KIF13A: variants seen among roughly 807,000 people sequenced by gnomAD.
KIF13A encodes kinesin-like protein KIF13A.
A neutral mutation model predicts 212.2 loss-of-function variants in KIF13A; 79 were observed. That is an observed-to-expected ratio of 0.37 (90% CI 0.31 to 0.45). The LOEUF (loss-of-function observed/expected upper bound fraction) is 0.45, where lower values mean the gene tolerates loss of function less well. Among genes scored for constraint, KIF13A ranks in the 20% least tolerant of loss-of-function variants. KIF13A has a pLI of 1.00. For synonymous variants in KIF13A, 789 were observed against 808.6 expected, an observed-to-expected ratio of 0.98 and a Z score of 0.41; for missense variants, 1,901 against 2,209.0, an observed-to-expected ratio of 0.86 and a Z score of 2.79.
intron 29 of KIF13A, among the ~76,000 whole-genome samples, chr6:17,781,677 G>A (rs1760598160): frequency 7.6e-6 from 1 of 131,378 alleles, no homozygotes; most frequent in South Asian, 2.5e-4. Flanking sequence ...GCTGATGCTT[G>A]AGTGCACGGC....
chr6:17,764,450 A>G lies in KIF13A; in HGVS notation c.5078T>C (p.Leu1693Pro), dbSNP rs1273167863. The G allele has an allele frequency of 9.9e-6, 16 of 1,613,878 alleles. No individual in the cohort carries two copies. Among genetic ancestry groups the G allele is most frequent in the Non-Finnish European group, 1.4e-5 (16 of 1,179,902 alleles). Reference protein sequence around the residue: ...QSIPEKNSKSLCRTGSCSELD... With the variant: ...QSIPEKNSKSPCRTGSCSELD... ...TTCTGAACATGAGCCAGTCCTGCACAGTGATTTGGAGTTTTTCTCAGGGAT... is the reference window on the plus strand; with the variant it reads ...TTCTGAACATGAGCCAGTCCTGCACGGTGATTTGGAGTTTTTCTCAGGGAT... Residue 1693 changes from leucine (L) to proline (P), a missense_variant, in exon 39 of 39, where the codon CTG (leucine) becomes CCG (proline). Physicochemically the swap from Leu to Pro is moderately conservative, Grantham distance 98. Transcript: ENST00000259711. The surrounding 1 kb of genome is among the most constrained non-coding windows in gnomAD (Gnocchi z 5.1).
intron 2 of KIF13A, among the ~76,000 whole-genome samples, chr6:17,972,451 T>C (rs1779885787): frequency 6.6e-6 from 1 of 152,228 alleles, no homozygotes; most frequent in Non-Finnish European, 1.5e-5. Context: ...ACATTCTCTC[T>C]TTAGCTGGGA....
chr6:17,833,873 A>AAAAAAAAT, intron 12 of KIF13A, 88 bp downstream of exon 12: 1 of 650,358 alleles, frequency 1.5e-6, no homozygotes, highest in Non-Finnish European at 2.4e-6. Context: ...AAAAAAAAAA[A>AAAAAAAAT]GACTTTCTGA....
Position 17,855,992 on chromosome 6 carries a change from T to C in KIF13A, c.313+38A>G, listed in dbSNP as rs576124429. Reference sequence around the variant, plus strand: ...TCACCAAGTCCTGGGATTATAGGCATGATCCCCCACATCTGGTCTATAAAA... The same window carrying C: ...TCACCAAGTCCTGGGATTATAGGCACGATCCCCCACATCTGGTCTATAAAA... On this transcript the variant is annotated intron_variant, in intron 5 of 38. Coordinates refer to ENST00000259711, the MANE Select transcript of KIF13A (RefSeq NM_022113.6). This position sits in a 1 kb window ranked among gnomAD's most constrained non-coding sequence, Gnocchi z 4.1. 2 of 1,394,902 alleles carry C rather than the reference T, an allele frequency of 1.4e-6. No homozygotes were observed. Among genetic ancestry groups the C allele is most frequent in the Non-Finnish European group, 2.0e-6 (2 of 984,928 alleles). 86.4% of individuals were successfully genotyped at this position (1,394,902 alleles called of 1,614,324 possible). A position where few individuals can be genotyped will look rare whatever the true frequency, so the allele number is the denominator to read the frequency against.
chr6:17,842,117 T>C (rs1766588421), intron 9 of KIF13A, among the ~76,000 whole-genome samples: 1 of 151,932 alleles, frequency 6.6e-6, no homozygotes, highest in Non-Finnish European at 1.5e-5. Context: ...GGTACAATCC[T>C]GGCTCACTGC....
At position 17,787,753 on chromosome 6, in the gene KIF13A, TAA is replaced by T. The variant is rs748574889; in HGVS notation, c.3361+21_3361+22del. ...GTAAAAGTGAAAAAGCTACTCCCCA[TAA>T]AAGAGTTTGATCTCACATACCTGTT... is the stretch of plus-strand genomic sequence containing the variant. On this transcript the variant is annotated intron_variant, in intron 27 of 38. Transcript: ENST00000259711. This position sits in a 1 kb window ranked among gnomAD's most constrained non-coding sequence, Gnocchi z 4.6. 6 of 1,410,364 alleles carry T rather than the reference TAA, an allele frequency of 4.3e-6. No homozygotes were observed. The highest frequency in any genetic ancestry group is 2.3e-5 in the East Asian group (1 of 43,948). 87.4% of individuals were successfully genotyped at this position (1,410,364 alleles called of 1,614,324 possible).
intron 3 of KIF13A, among the ~76,000 whole-genome samples, chr6:17,876,986 C>A (rs1054817431): frequency 2.0e-5 from 3 of 152,052 alleles, no homozygotes; most frequent in Non-Finnish European, 4.4e-5. Flanking sequence ...AAAGCAGGAT[C>A]CATATCGAAT....
intron 16 of KIF13A, among the ~76,000 whole-genome samples, chr6:17,823,921 T>TA (rs1764703059): frequency 6.7e-6 from 1 of 150,268 alleles, no homozygotes. Flanking sequence ...AAATTTCTTT[T>TA]TTTTTTTTTG....
At position 17,809,629 on chromosome 6, in the gene KIF13A, C is replaced by T. The variant is rs1763261218; in HGVS notation, c.2001-699G>A. On this transcript the variant is annotated intron_variant, in intron 17 of 38. Transcript: ENST00000259711. This position sits in a 1 kb window ranked among gnomAD's most constrained non-coding sequence, Gnocchi z 4.7. ...GGGACCATGTCTTTTTTTGCTTGCACTACCCTAGCTCCTGGCCAAGTGCAT... is the reference window on the plus strand; with the variant it reads ...GGGACCATGTCTTTTTTTGCTTGCATTACCCTAGCTCCTGGCCAAGTGCAT... Among the ~76,000 whole-genome samples, 1 of 152,136 alleles carries T rather than the reference C, an allele frequency of 6.6e-6. No homozygotes were observed.
At chr6:17,779,340 C>T (rs1269311367) in intron 32 of KIF13A, among the ~76,000 whole-genome samples, 4 of 143,508 alleles carry the variant, frequency 2.8e-5, no homozygotes, top group Admixed American at 7.3e-5. Context: ...GGCGCGATCT[C>T]GGCTCACTGC....
At chr6:17,938,518 C>T (rs771272308) in intron 2 of KIF13A, among the ~76,000 whole-genome samples, 2 of 152,160 alleles carry the variant, frequency 1.3e-5, no homozygotes, top group Non-Finnish European at 2.9e-5. Flanking sequence ...TCTAATTTCT[C>T]ACCTAACGAA....
intron 4 of KIF13A, among the ~76,000 whole-genome samples, chr6:17,868,149 T>C (rs1769600998): frequency 6.6e-6 from 1 of 152,254 alleles, no homozygotes; most frequent in African/African-American, 2.4e-5. Flanking sequence ...AGTCAACAGT[T>C]TAGAATCTCT....
intron 2 of KIF13A, among the ~76,000 whole-genome samples, chr6:17,966,310 C>T (rs1343761745): frequency 6.6e-6 from 1 of 152,072 alleles, no homozygotes; most frequent in African/African-American, 2.4e-5. Context: ...TTATTTCCAT[C>T]TCTAAAGTGG....
At chr6:17,985,486 A>G (rs1055613498) in intron 2 of KIF13A, among the ~76,000 whole-genome samples, 23 of 152,134 alleles carry the variant, frequency 1.5e-4, no homozygotes, top group Admixed American at 3.9e-4. Flanking sequence ...CTTATGGTTA[A>G]GAGTGACAAG....
chr6:17,952,866 C>T (rs1206920554), intron 2 of KIF13A, among the ~76,000 whole-genome samples: 1 of 151,360 alleles, frequency 6.6e-6, no homozygotes, highest in Non-Finnish European at 1.5e-5. Flanking sequence ...GGAGGCAGAG[C>T]TTGCAGTGAG....
intron 2 of KIF13A, among the ~76,000 whole-genome samples, chr6:17,909,162 C>T (rs751216233): frequency 5.3e-5 from 8 of 152,196 alleles, no homozygotes; most frequent in Non-Finnish European, 8.8e-5. Flanking sequence ...ATTGCTGAAA[C>T]TAAATTTCAT....
At chr6:17,778,352 T>C (rs1480321977) in intron 33 of KIF13A, among the ~76,000 whole-genome samples, 3 of 152,172 alleles carry the variant, frequency 2.0e-5, no homozygotes, top group African/African-American at 7.2e-5. Flanking sequence ...AAGATTTTTC[T>C]GACAGATGCC....
At chr6:17,845,257 G>A (rs144796209) in intron 9 of KIF13A, among the ~76,000 whole-genome samples, 114 of 152,266 alleles carry the variant, frequency 7.5e-4, no homozygotes, top group African/African-American at 2.6e-3. Context: ...CCCACAACAC[G>A]TGGTAATTAT....
chr6:17,785,272 CAG>C lies in KIF13A; in HGVS notation c.3488+241_3488+242del, dbSNP rs1760950344. ...TGTCCAAGTTGCTTATGCAGAGGAA[CAG>C]AGGAGTGGTATGTGATTCCTGGCCA... On this transcript the variant is annotated intron_variant, in intron 28 of 38. Coordinates refer to ENST00000259711, the MANE Select transcript of KIF13A (RefSeq NM_022113.6). This position sits in a 1 kb window ranked among gnomAD's most constrained non-coding sequence, Gnocchi z 5.8. 6.6e-6 allele frequency among the ~76,000 whole-genome samples: 1 copy of C among 152,176 alleles called. No individual in the cohort carries two copies.
Sources: allele counts gnomAD v4.1 joint callset (sites outside exome capture counted in the v4.1 genomes callset), GRCh38; gene constraint gnomAD v4.1.1; non-coding constraint Gnocchi (gnomAD v3.1); transcripts MANE v1.5; gene names NCBI Gene and HGNC (gene_info 2026-07-23, HGNC 2026-07-21).